Variants in KCNAB1 observed in about 807,000 individuals in gnomAD.
The protein encoded by KCNAB1 is potassium voltage-gated channel subfamily A regulatory beta subunit 1, also known as voltage-gated potassium channel subunit beta-1.
In KCNAB1, 35 loss-of-function variants were observed where a neutral mutation model predicts 64.6. The observed-to-expected ratio is 0.54, with a 90% confidence interval of 0.41 to 0.72. KCNAB1 has a LOEUF of 0.72. Ranked by LOEUF, KCNAB1 falls within the 30% of genes least tolerant of loss-of-function variation. The pLI is 0.00. For missense variants in KCNAB1, 401 were observed against 512.9 expected (o/e 0.78, Z 2.11); for synonymous variants, 177 against 183.8 (o/e 0.96, Z 0.30).
chr3:156,341,604 AG>A (rs1183420942), intron 1 of KCNAB1, among the ~76,000 whole-genome samples: 1 of 152,190 alleles, frequency 6.6e-6, no homozygotes, highest in Non-Finnish European at 1.5e-5. Flanking sequence ...GGTGCTACAG[AG>A]TGCTGCATCC....
rs1724062680 is a variant in KCNAB1 at position 156,340,905 on chromosome 3, T to C, written c.276-80711T>C. On this transcript the variant is annotated intron_variant, in intron 1 of 13. Coordinates refer to ENST00000490337, the MANE Select transcript of KCNAB1 (RefSeq NM_172160.3). ...ATTCCACTTTGTTGTTGTTTCTTCC[T>C]CAAAGTATTAGACTCCCTCAAGACC... Among the ~76,000 whole-genome samples the C allele has an allele frequency of 2.0e-5, 3 of 152,218 alleles. No homozygotes were observed. In the South Asian group the frequency reaches 6.2e-4, roughly 32 times the overall value.
At chr3:156,343,869 C>T (rs1223697252) in intron 1 of KCNAB1, among the ~76,000 whole-genome samples, 2 of 152,190 alleles carry the variant, frequency 1.3e-5, no homozygotes, top group Non-Finnish European at 2.9e-5. Context: ...ATGTGTATTG[C>T]TGTTCCTTAC....
chr3:156,226,260 C>A (rs1404294943), intron 1 of KCNAB1, among the ~76,000 whole-genome samples: 3 of 152,056 alleles, frequency 2.0e-5, no homozygotes, highest in African/African-American at 7.2e-5. Context: ...AGAAATTAAG[C>A]CAGATACAGT....
intron 1 of KCNAB1, chr3:156,291,394 G>C (rs1202669365): frequency 2.0e-6 from 2 of 994,722 alleles, no homozygotes; most frequent in Non-Finnish European, 2.4e-6. Context: ...GGGATGCTCC[G>C]CGCGCCAGTT....
rs779209076 is a variant in KCNAB1 at position 156,514,399 on chromosome 3, G to A, written c.694G>A (p.Gly232Ser). 2 of 1,614,110 alleles carry A rather than the reference G, an allele frequency of 1.2e-6. No homozygotes were observed. Among genetic ancestry groups the A allele is most frequent in the East Asian group, 2.2e-5 (1 of 44,884 alleles). Residue 232 changes from glycine to serine, a missense_variant, in exon 9 of 14, where the codon GGC becomes AGC. Transcript: ENST00000490337. ...AGCCATGACACATGTGATAAACCAA[G>A]GCATGGCGATGTACTGGGGCACCTC... ...VRAMTHVINQ[G>S]MAMYWGTSRW... is the part of the protein sequence containing the mutation.
chr3:156,227,285 C>T (rs918123182), intron 1 of KCNAB1, among the ~76,000 whole-genome samples: 3 of 152,062 alleles, frequency 2.0e-5, no homozygotes, highest in South Asian at 2.1e-4. Flanking sequence ...AACGACTGGC[C>T]ATTTGCAAGA....
chr3:156,271,084 T>C (rs1460388254), intron 1 of KCNAB1, among the ~76,000 whole-genome samples: 1 of 152,170 alleles, frequency 6.6e-6, no homozygotes, highest in Non-Finnish European at 1.5e-5. Context: ...ATGTTATTTG[T>C]TTCTTTTCTC....
chr3:156,285,512 TG>T (rs922799626), intron 1 of KCNAB1, among the ~76,000 whole-genome samples: 7 of 38,658 alleles, frequency 1.8e-4, no homozygotes, highest in African/African-American at 9.8e-4. Flanking sequence ...CTTTTTTTGG[TG>T]GGGGGGATGG....
At chr3:156,152,862 A>G (rs1715495277) in intron 1 of KCNAB1, among the ~76,000 whole-genome samples, 1 of 152,218 alleles carries the variant, frequency 6.6e-6, no homozygotes, top group African/African-American at 2.4e-5. Flanking sequence ...GGGCACCTTT[A>G]TACGTAACTT....
chr3:156,260,988 T>C (rs573428530), intron 1 of KCNAB1, among the ~76,000 whole-genome samples: 20 of 152,306 alleles, frequency 1.3e-4, no homozygotes, highest in African/African-American at 4.8e-4. Context: ...ATTTCCTTAA[T>C]GACTAATGAG....
chr3:156,282,531 C>G (rs1352723696), intron 1 of KCNAB1, among the ~76,000 whole-genome samples: 1 of 149,926 alleles, frequency 6.7e-6, no homozygotes, highest in African/African-American at 2.5e-5. Context: ...TGTTGACTTT[C>G]TGTCTCGTTG....
intron 1 of KCNAB1, among the ~76,000 whole-genome samples, chr3:156,339,418 A>G (rs1203247815): frequency 1.3e-5 from 2 of 152,164 alleles, no homozygotes; most frequent in Non-Finnish European, 2.9e-5. Flanking sequence ...TCTGATCTTT[A>G]CAACAGCCCT....
rs568927225 is a variant in KCNAB1, at chr3:156,273,705, T to C, written c.276-147911T>C. ...CTGTCATCTCTCAGCTGATGTTTGG[T>C]TCTTAGGAAGGTGCTTTTTTTGTGT... On this transcript the variant is annotated intron_variant, in intron 1 of 13. Coordinates refer to ENST00000490337, the MANE Select transcript of KCNAB1 (RefSeq NM_172160.3). The C allele has an allele frequency of 3.9e-3, 1,782 of 453,080 alleles. 14 individuals are homozygous for C. The highest frequency in any genetic ancestry group is 5.6e-3 in the Non-Finnish European group (1,260 of 225,904). The allele number at this position is 453,080 out of a possible 1,614,324, so 28.1% of individuals were successfully genotyped here.
intron 1 of KCNAB1, among the ~76,000 whole-genome samples, chr3:156,317,544 G>C (rs969391480): frequency 6.6e-6 from 1 of 151,796 alleles, no homozygotes; most frequent in Non-Finnish European, 1.5e-5. Context: ...TTGATGTTTT[G>C]TCTTCCTTCT....
intron 1 of KCNAB1, chr3:156,143,229 T>C: frequency 6.2e-7 from 1 of 1,613,752 alleles, no homozygotes; most frequent in Non-Finnish European, 8.5e-7. Context: ...CCAAGCTGGG[T>C]CTGCCAAAAT....
intron 1 of KCNAB1, among the ~76,000 whole-genome samples, chr3:156,413,819 C>A: frequency 6.6e-6 from 1 of 152,200 alleles, no homozygotes; most frequent in Admixed American, 6.5e-5. Flanking sequence ...ATGCAGACAC[C>A]TTAGACACAA....
At chr3:156,242,225 A>G (rs1717200352) in intron 1 of KCNAB1, among the ~76,000 whole-genome samples, 2 of 152,036 alleles carry the variant, frequency 1.3e-5, no homozygotes, top group African/African-American at 2.4e-5. Flanking sequence ...ATTTTGTTTT[A>G]TTATTATTAT....
At chr3:156,414,051 AC>A (rs747806321) in intron 1 of KCNAB1, among the ~76,000 whole-genome samples, 6 of 152,038 alleles carry the variant, frequency 3.9e-5, no homozygotes, top group Non-Finnish European at 8.8e-5. Context: ...TTTAAATATC[AC>A]CCTCCTCCTC....
At chr3:156,471,953 G>T (rs1713932885) in intron 7 of KCNAB1, among the ~76,000 whole-genome samples, 1 of 152,172 alleles carries the variant, frequency 6.6e-6, no homozygotes, top group South Asian at 2.1e-4. Flanking sequence ...GAGGCTAAGG[G>T]ATATCACAGG....
Sources: allele counts gnomAD v4.1 joint callset (sites outside exome capture counted in the v4.1 genomes callset), GRCh38; gene constraint gnomAD v4.1.1; transcripts MANE v1.5; gene names NCBI Gene and HGNC (gene_info 2026-07-23, HGNC 2026-07-21).